AURKA: variants seen among roughly 807,000 people sequenced by gnomAD.
AURKA encodes aurora kinase A.
A neutral mutation model predicts 40.9 loss-of-function variants in AURKA; 12 were observed. The observed-to-expected ratio is 0.29, with a 90% CI of 0.19 to 0.48. The LOEUF (loss-of-function observed/expected upper bound fraction) is 0.48, where lower values mean the gene tolerates loss of function less well. Among genes scored for constraint, AURKA ranks in the 20% least tolerant of loss-of-function variants. The probability of loss-of-function intolerance (pLI) is 0.99; values close to 1 mark genes in which losing one functional copy is unlikely to be tolerated. For synonymous variants in AURKA, 170 were observed against 164.3 expected (o/e 1.03, Z -0.26); for missense variants, 322 against 462.1 (o/e 0.70, Z 2.78).
chr20:56,387,784 T>C (rs990657513), intron 2 of AURKA, among the ~76,000 whole-genome samples: 6 of 152,232 alleles, frequency 3.9e-5, no homozygotes, highest in Non-Finnish European at 8.8e-5. Context: ...AGAGCAATTT[T>C]TTAAATGGCC....
chr20:56,372,330 G>A (rs912767057), intron 7 of AURKA, among the ~76,000 whole-genome samples: 6 of 152,212 alleles, frequency 3.9e-5, no homozygotes, highest in African/African-American at 1.4e-4. Flanking sequence ...CAATAACCAG[G>A]AAATGATGAT....
At chr20:56,375,047 TC>T (rs1473646414) in intron 6 of AURKA, among the ~76,000 whole-genome samples, 1 of 151,954 alleles carries the variant, frequency 6.6e-6, no homozygotes, top group Non-Finnish European at 1.5e-5. Context: ...AAATTCCGTC[TC>T]AAAAAAAAGC....
chr20:56,382,561 GA>G (rs1282824275), intron 5 of AURKA, among the ~76,000 whole-genome samples: 2 of 152,154 alleles, frequency 1.3e-5, no homozygotes, highest in Non-Finnish European at 2.9e-5. Flanking sequence ...CTGTCCACCA[GA>G]AAGACTTGCC....
At chr20:56,374,964 G>A (rs778939873) in intron 6 of AURKA, among the ~76,000 whole-genome samples, 57 of 152,126 alleles carry the variant, frequency 3.7e-4, no homozygotes, top group Non-Finnish European at 5.4e-4. Flanking sequence ...AGGAGAATTG[G>A]TTGAACCCAG....
At chr20:56,387,405 G>T (rs1478442408) in intron 2 of AURKA, among the ~76,000 whole-genome samples, 1 of 152,168 alleles carries the variant, frequency 6.6e-6, no homozygotes, top group Non-Finnish European at 1.5e-5. Flanking sequence ...ACTCTCCTTG[G>T]TCTCCCAAAG....
In AURKA at chr20:56,390,535, G is replaced by C. The variant is rs144022612; in HGVS notation, c.-6+1633C>G. ...TTGGTAGGGCTGGTCTGGAACTCCCGACCTCAGGTGATCCACCCACCTCGG... is the reference window on the plus strand; with the variant it reads ...TTGGTAGGGCTGGTCTGGAACTCCCCACCTCAGGTGATCCACCCACCTCGG... On this transcript the variant is annotated intron_variant, in intron 1 of 8. Transcript: ENST00000395915. 504 of 152,148 alleles carry C rather than the reference G, an allele frequency of 3.3e-3. 3 individuals carry two copies. Among genetic ancestry groups the C allele is most frequent in the African/African-American group, 0.012 (485 of 41,502 alleles). The allele number at this position is 152,148 out of a possible 1,614,324, so 9.4% of individuals were successfully genotyped here.
chr20:56,374,051 A>ACACAC (rs1984616683), intron 6 of AURKA, among the ~76,000 whole-genome samples: 1 of 149,902 alleles, frequency 6.7e-6, no homozygotes, highest in African/African-American at 2.5e-5. Context: ...ACACACACAC[A>ACACAC]TCAACTGAAC....
intron 6 of AURKA, among the ~76,000 whole-genome samples, chr20:56,380,574 TC>T (rs1272151544): frequency 6.6e-6 from 1 of 152,148 alleles, no homozygotes; most frequent in Non-Finnish European, 1.5e-5. Context: ...CCATCCACTC[TC>T]TACTCCTTAA....
rs957271196 is a variant in AURKA at position 56,384,848 on chromosome 20, T to G, written c.320-524A>C. On this transcript the variant is annotated intron_variant, in intron 3 of 8. Coordinates refer to ENST00000395915, the MANE Select transcript of AURKA (RefSeq NM_198437.3). Reference sequence around the variant, plus strand: ...TTCAGCAAAATGCACAATGAACAGTTGTGCAGCAGAGGACTGGGGTAACTA... The same window carrying G: ...TTCAGCAAAATGCACAATGAACAGTGGTGCAGCAGAGGACTGGGGTAACTA... Among the ~76,000 whole-genome samples the G allele has an allele frequency of 2.6e-5, 4 of 152,172 alleles. No individual in the cohort carries two copies. In the East Asian group the frequency reaches 7.7e-4, roughly 29 times the overall value.
chr20:56,380,834 A>G (rs1985617000), intron 6 of AURKA, among the ~76,000 whole-genome samples: 1 of 152,254 alleles, frequency 6.6e-6, no homozygotes, highest in Admixed American at 6.5e-5. Flanking sequence ...TCTGAATAAA[A>G]TGTGGACTTG....
Position 56,378,498 on chromosome 20 carries a change from G to C in AURKA, c.705+2935C>G, listed in dbSNP as rs75871135. 4.2e-3 allele frequency among the ~76,000 whole-genome samples: 633 copies of C among 152,178 alleles called. 6 individuals carry two copies. The highest frequency in any genetic ancestry group is 0.014 in the African/African-American group (601 of 41,508). On this transcript the variant is annotated intron_variant, in intron 6 of 8. Coordinates refer to ENST00000395915, the MANE Select transcript of AURKA (RefSeq NM_198437.3). ...ACAGTTCCTCACAAAGCAAAATATA[G>C]TCTTACCGTATGAGCTGGCAATAGC... is the stretch of plus-strand genomic sequence containing the variant.
intron 1 of AURKA, chr20:56,388,801 A>T (rs1986702026): frequency 6.5e-6 from 1 of 154,444 alleles, no homozygotes; most frequent in African/African-American, 2.4e-5. Context: ...GAAAAGAGCG[A>T]GACTTCGTCT....
In AURKA at chr20:56,386,335, C is replaced by T. The variant is rs1177507344; in HGVS notation, c.241G>A (p.Ala81Thr). 1.2e-6 allele frequency: 2 copies of T among 1,614,060 alleles called. No homozygotes were observed. The highest frequency in any genetic ancestry group is 2.7e-5 in the African/African-American group (2 of 74,914). ...GAGACAGGATGAGGTACACTGGTTG[C>T]CTGCAATTGCTTCTGCTTCTGATTC... Reference protein sequence around the residue: ...VQNQKQKQLQATSVPHPVSRP... With the variant: ...VQNQKQKQLQTTSVPHPVSRP... Residue 81 changes from alanine to threonine, a missense_variant, in exon 3 of 9, where the codon GCA (alanine) becomes ACA (threonine). Physicochemically the swap from Ala to Thr is moderately conservative, Grantham distance 58. Transcript: ENST00000395915.
In AURKA at chr20:56,381,550, C is replaced by T. The variant is rs1420083828; in HGVS notation, c.588G>A (p.Leu196=). ...TGGTAGCATCATGGAAATAACCATA[C>T]AGTCTAAGAATATTAGGATGCCTGC... The part of the protein sequence containing the change: ...SHLRHPNILR[L]YGYFHDATRV... Residue 196 remains leucine, a synonymous_variant, in exon 6 of 9, where the codon CTG becomes CTA. Coordinates refer to ENST00000395915, the MANE Select transcript of AURKA (RefSeq NM_198437.3). 24 of 1,613,742 alleles carry T rather than the reference C, an allele frequency of 1.5e-5. No homozygotes were observed. The highest frequency in any genetic ancestry group is 1.9e-5 in the Non-Finnish European group (23 of 1,179,918).
intron 6 of AURKA, among the ~76,000 whole-genome samples, chr20:56,380,085 G>A (rs531919868): frequency 2.3e-4 from 35 of 152,032 alleles, no homozygotes; most frequent in Admixed American, 1.4e-3. Flanking sequence ...GGCCGGGCAC[G>A]GTGGCTCATG....
chr20:56,376,722 A>G (rs1043484788), intron 6 of AURKA, among the ~76,000 whole-genome samples: 7 of 152,204 alleles, frequency 4.6e-5, no homozygotes, highest in African/African-American at 1.7e-4. Flanking sequence ...TCACATAAAA[A>G]AGGAGAAGCA....
chr20:56,369,693 TA>T lies in AURKA; in HGVS notation c.*464del, dbSNP rs1218141505. On this transcript the variant is annotated 3_prime_UTR_variant, in exon 9 of 9. Transcript: ENST00000395915. ...GTACATATATCTTTATTTTCATACTTAAAAAGAATCACATACTCATTCCAAC... is the reference window on the plus strand; with the variant it reads ...GTACATATATCTTTATTTTCATACTTAAAAGAATCACATACTCATTCCAAC... 3 of 341,032 alleles carry T rather than the reference TA, an allele frequency of 8.8e-6. No individual in the cohort carries two copies. The highest frequency in any genetic ancestry group is 1.6e-5 in the Non-Finnish European group (3 of 182,078). 21.1% of individuals were successfully genotyped at this position (341,032 alleles called of 1,614,324 possible). A position where few individuals can be genotyped will look rare whatever the true frequency, so the allele number is the denominator to read the frequency against.
intron 2 of AURKA, among the ~76,000 whole-genome samples, chr20:56,387,210 G>A (rs537591500): frequency 9.2e-5 from 14 of 152,168 alleles, no homozygotes; most frequent in Non-Finnish European, 2.1e-4. Flanking sequence ...CTGGAGTGCA[G>A]TGGCATGATC....
intron 6 of AURKA, among the ~76,000 whole-genome samples, chr20:56,377,633 A>T (rs1310805953): frequency 6.6e-6 from 1 of 152,150 alleles, no homozygotes; most frequent in East Asian, 1.9e-4. Context: ...CTAAAAGTAC[A>T]AAAATTAGCT....
Sources: gnomAD v4.1 joint callset for allele counts (sites outside exome capture counted in the v4.1 genomes callset) on GRCh38, gnomAD v4.1.1 for gene constraint, MANE v1.5 for transcripts, NCBI Gene and HGNC (gene_info 2026-07-23, HGNC 2026-07-21) for gene names.